The following CFAP107 variants were observed in gnomAD, a reference collection of about 807,000 sequenced individuals.
The protein encoded by CFAP107 is cilia- and flagella-associated protein 107.
At chr1:12,761,641 A>T in the CFAP107 span, 2 of 151,044 alleles carry the variant, frequency 1.3e-5, no homozygotes, top group Admixed American at 6.6e-5. Context: ...GGTTCAAGCG[A>T]TTCTTTTGCC....
At chr1:12,753,361 T>A in the CFAP107 span, 3 of 148,582 alleles carry the variant, frequency 2.0e-5, no homozygotes, top group African/African-American at 5.0e-5. Flanking sequence ...TTTGCAGACA[T>A]AAAATCCATC....
chr1:12,752,630 C>T, the CFAP107 span, among the ~76,000 whole-genome samples: 2 of 134,152 alleles, frequency 1.5e-5, no homozygotes, highest in African/African-American at 2.8e-5. Flanking sequence ...GAAAAAAAGA[C>T]ATGATCATCA....
chr1:12,753,341 G>T, the CFAP107 span: 4 of 141,034 alleles, frequency 2.8e-5, no homozygotes, highest in South Asian at 2.4e-4. Flanking sequence ...CCCAGTAAAG[G>T]TTTTTTTTTT....
the CFAP107 span, among the ~76,000 whole-genome samples, chr1:12,751,792 A>G: frequency 6.6e-6 from 1 of 152,252 alleles, no homozygotes; most frequent in Non-Finnish European, 1.5e-5. Context: ...TTTTTCTGAC[A>G]TAAAAAGATA....
At chr1:12,760,885 T>C in the CFAP107 span, 1 of 1,614,134 alleles carries the variant, frequency 6.2e-7, no homozygotes, top group East Asian at 2.2e-5. Context: ...CGTTGTGCGC[T>C]ATGTCCTGGA....
chr1:12,750,468 A>G, the CFAP107 span, among the ~76,000 whole-genome samples: 3 of 152,224 alleles, frequency 2.0e-5, no homozygotes, highest in African/African-American at 7.2e-5. Flanking sequence ...GGATCCAACT[A>G]TATGCTGCCT....
chr1:12,753,561 C>T, the CFAP107 span: 6 of 152,234 alleles, frequency 3.9e-5, no homozygotes, highest in Admixed American at 2.6e-4. Flanking sequence ...TAGAAATAAA[C>T]ATTTGTATAT....
the CFAP107 span, among the ~76,000 whole-genome samples, chr1:12,755,203 G>A: frequency 6.6e-6 from 1 of 152,104 alleles, no homozygotes; most frequent in African/African-American, 2.4e-5. Flanking sequence ...TTGAGAGATC[G>A]AGACCATCCT....
the CFAP107 span, chr1:12,759,228 A>G: frequency 1.3e-3 from 1,969 of 1,499,566 alleles, 18 homozygotes; most frequent in African/African-American, 0.025. Flanking sequence ...AGACCCCTAC[A>G]TGTGGCAGCT....
chr1:12,755,764 A>G, the CFAP107 span: 1 of 1,613,940 alleles, frequency 6.2e-7, no homozygotes, highest in Non-Finnish European at 8.5e-7. Flanking sequence ...CCCTTCCCAG[A>G]CCACAGACCA....
chr1:12,759,820 G>T, the CFAP107 span, among the ~76,000 whole-genome samples: 1 of 152,258 alleles, frequency 6.6e-6, no homozygotes, highest in East Asian at 1.9e-4. Context: ...CCCAGGTAGT[G>T]CTCCCTGCTG....
chr1:12,756,162 T>C, the CFAP107 span, among the ~76,000 whole-genome samples: 129 of 152,308 alleles, frequency 8.5e-4, no homozygotes, highest in African/African-American at 3.0e-3. Context: ...CTGGCAGTGA[T>C]GTATTTGGAC....
chr1:12,758,162 T>C, the CFAP107 span, among the ~76,000 whole-genome samples: 1 of 152,130 alleles, frequency 6.6e-6, no homozygotes, highest in African/African-American at 2.4e-5. Context: ...CTTCCTGATG[T>C]GGCCCTGCAG....
the CFAP107 span, among the ~76,000 whole-genome samples, chr1:12,750,078 G>T: frequency 2.0e-5 from 3 of 152,164 alleles, no homozygotes; most frequent in Admixed American, 2.0e-4. Flanking sequence ...GATGTAATTT[G>T]TGCCTTCAAT....
At chr1:12,752,258 C>T in the CFAP107 span, among the ~76,000 whole-genome samples, 1 of 152,178 alleles carries the variant, frequency 6.6e-6, no homozygotes, top group Admixed American at 6.5e-5. Context: ...GTTATAGACA[C>T]CATGACCAAG....
At chr1:12,762,425 T>C in the CFAP107 span, 1 of 150,462 alleles carries the variant, frequency 6.6e-6, no homozygotes, top group Non-Finnish European at 1.5e-5. Flanking sequence ...GTCATCCAAG[T>C]GTCCATGTAA....
chr1:12,760,009 C>T, the CFAP107 span, among the ~76,000 whole-genome samples: 5 of 151,910 alleles, frequency 3.3e-5, no homozygotes, highest in African/African-American at 1.2e-4. Flanking sequence ...AATTTGTGAA[C>T]CTCCTTTGGT....
At chr1:12,759,531 G>A in the CFAP107 span, 1 of 1,608,186 alleles carries the variant, frequency 6.2e-7, no homozygotes, top group Non-Finnish European at 8.5e-7. Flanking sequence ...GGTCTGTAAA[G>A]TTGCACAGAC....
chr1:12,752,518 G>T, the CFAP107 span, among the ~76,000 whole-genome samples: 3 of 109,820 alleles, frequency 2.7e-5, no homozygotes, highest in Non-Finnish European at 5.0e-5. Flanking sequence ...AGTGAGCCAA[G>T]ATCTCACCAC....
Sources: allele counts gnomAD v4.1 joint callset (sites outside exome capture counted in the v4.1 genomes callset), GRCh38; gene constraint gnomAD v4.1.1; transcripts MANE v1.5; gene names NCBI Gene and HGNC (gene_info 2026-07-23, HGNC 2026-07-21).